Variants in ARHGEF26 observed in about 807,000 individuals in gnomAD.
ARHGEF26 encodes the protein Rho guanine nucleotide exchange factor (GEF) 26.
In ARHGEF26, 59 loss-of-function variants were observed where a neutral mutation model predicts 89.4. That is an observed-to-expected ratio of 0.66 (90% CI 0.54 to 0.82). ARHGEF26 has a LOEUF of 0.82. ARHGEF26 is among the 40% of genes least tolerant of loss of function. The pLI, the probability that ARHGEF26 is intolerant of heterozygous loss-of-function variation, is 0.00. For synonymous variants in ARHGEF26, 500 were observed against 428.4 expected (o/e 1.17, Z -2.06); for missense variants, 1,234 against 1,085.6 (o/e 1.14, Z -1.92).
chr3:154,255,498 G>C lies in ARHGEF26; in HGVS notation c.*25G>C. The C allele has an allele frequency of 6.2e-7, 1 of 1,603,118 alleles. No homozygotes were observed. The highest frequency in any genetic ancestry group is 8.5e-7 in the Non-Finnish European group (1 of 1,175,058). Reference sequence around the variant, plus strand: ...GTCTCTCAGATGGTCTTTTGTTACTGCAAGATTTGCACGACACTTACCGGG... The same window carrying C: ...GTCTCTCAGATGGTCTTTTGTTACTCCAAGATTTGCACGACACTTACCGGG... On this transcript the variant is annotated 3_prime_UTR_variant, in exon 15 of 15. Transcript: ENST00000465093.
At chr3:154,171,450 C>T (rs1712433455) in intron 6 of ARHGEF26, among the ~76,000 whole-genome samples, 1 of 152,174 alleles carries the variant, frequency 6.6e-6, no homozygotes, top group Non-Finnish European at 1.5e-5. Flanking sequence ...TGTATAATGG[C>T]ATGTGTTCAT....
rs1254186261 is a variant in ARHGEF26, at chr3:154,194,502, G to A, written c.1771-142G>A. The A allele has an allele frequency of 8.6e-6, 5 of 584,366 alleles. No individual in the cohort carries two copies. The Admixed American group carries it at 1.2e-4, about 14-fold the overall frequency. 36.2% of individuals were successfully genotyped at this position (584,366 alleles called of 1,614,324 possible). On this transcript the variant is annotated intron_variant, in intron 8 of 14. Coordinates refer to ENST00000465093, the MANE Select transcript of ARHGEF26 (RefSeq NM_015595.4). ...AGATTATTTCCTGGTTTTTAAATTG[G>A]GTTTTAATATTATCCTCATACTCAT...
At chr3:154,247,247 C>T (rs930449123) in intron 12 of ARHGEF26, among the ~76,000 whole-genome samples, 3 of 152,142 alleles carry the variant, frequency 2.0e-5, no homozygotes, top group Non-Finnish European at 2.9e-5. Context: ...CAACACTGCC[C>T]GTGGCTTTCC....
At chr3:154,188,256 T>C (rs1393113165) in intron 7 of ARHGEF26, among the ~76,000 whole-genome samples, 1 of 152,176 alleles carries the variant, frequency 6.6e-6, no homozygotes, top group South Asian at 2.1e-4. Context: ...CTCCCTCCAT[T>C]CAATTGACAA....
chr3:154,126,134 C>T (rs1718316802), intron 3 of ARHGEF26, among the ~76,000 whole-genome samples: 1 of 152,074 alleles, frequency 6.6e-6, no homozygotes. Context: ...CAGCCTTTAC[C>T]CTCATAATCT....
At chr3:154,161,100 T>TGGG (rs1553740490) in intron 6 of ARHGEF26, among the ~76,000 whole-genome samples, 8 of 17,606 alleles carry the variant, frequency 4.5e-4, no homozygotes, top group African/African-American at 9.4e-4. Context: ...GTAGCCAGGT[T>TGGG]TGTGTGTGTG....
chr3:154,140,990 C>G (rs1369340114), intron 4 of ARHGEF26, among the ~76,000 whole-genome samples: 4 of 150,640 alleles, frequency 2.7e-5, no homozygotes, highest in Non-Finnish European at 4.4e-5. Context: ...GAGATGGAGT[C>G]TTGCTCTGTC....
intron 11 of ARHGEF26, among the ~76,000 whole-genome samples, chr3:154,231,660 A>T (rs1032792778): frequency 6.1e-5 from 9 of 147,322 alleles, no homozygotes; most frequent in Non-Finnish European, 1.1e-4. Context: ...TATTGTTTTT[A>T]AAAAATGATT....
chr3:154,212,444 A>C (rs1322728004), intron 9 of ARHGEF26, among the ~76,000 whole-genome samples: 1 of 152,108 alleles, frequency 6.6e-6, no homozygotes, highest in African/African-American at 2.4e-5. Flanking sequence ...TTTATCACTT[A>C]AAGGTGACTA....
At chr3:154,209,857 C>G (rs951712137) in intron 9 of ARHGEF26, among the ~76,000 whole-genome samples, 1 of 152,174 alleles carries the variant, frequency 6.6e-6, no homozygotes, top group South Asian at 2.1e-4. Context: ...CCCCCAGGCC[C>G]CAGGTGGGTC....
At position 154,240,389 on chromosome 3, in the gene ARHGEF26, A is replaced by C. The variant is rs764206337; in HGVS notation, c.2110A>C (p.Asn704His). 1.2e-6 allele frequency: 2 copies of C among 1,609,340 alleles called. No homozygotes were observed. The highest frequency in any genetic ancestry group is 1.7e-5 in the Admixed American group (1 of 59,632). The change falls in exon 12 of 15, where the codon AAT becomes CAT. Residue 704 changes from asparagine (N) to histidine (H), a missense_variant. Physicochemically the swap from Asn to His is moderately conservative, Grantham distance 68 (BLOSUM62 1). Coordinates refer to ENST00000465093, the MANE Select transcript of ARHGEF26 (RefSeq NM_015595.4). ...KKKSEESYNV[N>H]DYSLRDQLLV... ...TTACAGTGAAGAAAGTTACAACGTC[A>C]ATGATTATTCCTTAAGAGATCAGCT...
intron 11 of ARHGEF26, among the ~76,000 whole-genome samples, chr3:154,239,083 A>G (rs897878071): frequency 6.6e-6 from 1 of 152,086 alleles, no homozygotes; most frequent in Non-Finnish European, 1.5e-5. Flanking sequence ...AGTTGATGGT[A>G]ATGACAAGGA....
chr3:154,248,031 A>T (rs184349306), intron 12 of ARHGEF26, among the ~76,000 whole-genome samples: 58 of 152,340 alleles, frequency 3.8e-4, no homozygotes, highest in Non-Finnish European at 1.2e-4. Context: ...CAGCTGGCAC[A>T]CACAACAGGC....
chr3:154,148,303 A>G (rs1447438466), intron 4 of ARHGEF26, among the ~76,000 whole-genome samples: 1 of 152,204 alleles, frequency 6.6e-6, no homozygotes, highest in Non-Finnish European at 1.5e-5. Context: ...TTCTAGCACT[A>G]TAATTTTGTT....
intron 8 of ARHGEF26, among the ~76,000 whole-genome samples, chr3:154,192,290 T>C (rs564221536): frequency 6.6e-6 from 1 of 152,362 alleles, no homozygotes; most frequent in African/African-American, 2.4e-5. Context: ...AAGTAAAATA[T>C]ATATTAAAAA....
At position 154,255,912 on chromosome 3, in the gene ARHGEF26, A is replaced by C; in HGVS notation, c.*439A>C. On this transcript the variant is annotated 3_prime_UTR_variant, in exon 15 of 15. Transcript: ENST00000465093. ...TCTGTAAAGAATGTCCAGTTTTGTA[A>C]ATATTTCCCTGCCTTTTTTTTTCTT... is the stretch of plus-strand genomic sequence containing the variant. The C allele has an allele frequency of 1.0e-6, 1 of 988,604 alleles. No homozygotes were observed. Among genetic ancestry groups the C allele is most frequent in the Non-Finnish European group, 1.2e-6 (1 of 832,020 alleles). The allele number at this position is 988,604 out of a possible 1,614,324, so 61.2% of individuals were successfully genotyped here.
chr3:154,170,676 T>C (rs1712374623), intron 6 of ARHGEF26, among the ~76,000 whole-genome samples: 1 of 152,224 alleles, frequency 6.6e-6, no homozygotes, highest in Admixed American at 6.5e-5. Flanking sequence ...TGGGTTATTA[T>C]GGAAGTTAAA....
chr3:154,150,471 A>G (rs994353783), intron 5 of ARHGEF26, among the ~76,000 whole-genome samples: 3 of 152,130 alleles, frequency 2.0e-5, no homozygotes, highest in Admixed American at 6.5e-5. Flanking sequence ...GTTAAAATGT[A>G]TATGTATGAG....
At chr3:154,178,798 G>A (rs1037238874) in intron 6 of ARHGEF26, among the ~76,000 whole-genome samples, 7 of 152,076 alleles carry the variant, frequency 4.6e-5, no homozygotes, top group Non-Finnish European at 7.3e-5. Flanking sequence ...AAGAACTGCC[G>A]GCCTCTTCTT....
Sources: allele counts gnomAD v4.1 joint callset (sites outside exome capture counted in the v4.1 genomes callset), GRCh38; gene constraint gnomAD v4.1.1; transcripts MANE v1.5; gene names NCBI Gene and HGNC (gene_info 2026-07-23, HGNC 2026-07-21).